Variants in CATSPERE observed in about 807,000 individuals in gnomAD.
CATSPERE encodes the protein cation channel sperm-associated auxiliary subunit epsilon.
CATSPERE carries 93 observed loss-of-function variants against 114.1 expected under a neutral mutation model. The ratio of observed to expected loss-of-function variants is 0.81; its 90% CI spans 0.69 to 0.97. The LOEUF (loss-of-function observed/expected upper bound fraction) is 0.97, where lower values mean the gene tolerates loss of function less well. Ranked by LOEUF, CATSPERE falls within the 50% of genes least tolerant of loss-of-function variation. CATSPERE has a pLI of 0.00. For synonymous variants in CATSPERE, 341 were observed against 384.1 expected (o/e 0.89, Z 1.31); for missense variants, 1,058 against 1,131.6 (o/e 0.93, Z 0.93).
chr1:244,477,551 A>G lies in CATSPERE; in HGVS notation c.125A>G (p.Glu42Gly), dbSNP rs759589387. The change falls in exon 3 of 22, where the codon GAG becomes GGG. Residue 42 changes from glutamate (E) to glycine (G), a missense_variant. Glu to Gly is a moderately conservative substitution (Grantham distance 98, BLOSUM62 -2). This residue lies in a region of CATSPERE where 271 missense variants were observed against 225.9 expected (regional missense o/e 1.20). Transcript: ENST00000366534. ...TGTTTTCTTTTTTAGATTAAGTTAG[A>G]GTATGAAGGAACATTATTTACTGAG... ...IFSTRSTIKL[E>G]YEGTLFTEWS... 1 of 1,583,316 alleles carries G rather than the reference A, an allele frequency of 6.3e-7. No individual in the cohort carries two copies. The highest frequency in any genetic ancestry group is 1.1e-5 in the South Asian group (1 of 88,598).
At chr1:244,457,294 G>A (rs1181923836), upstream of CATSPERE, among the ~76,000 whole-genome samples, 2 of 152,176 alleles carry the variant, frequency 1.3e-5, no homozygotes, top group Non-Finnish European at 2.9e-5. Flanking sequence ...ATGGAAAATT[G>A]TAAAGGGTTC....
intron 2 of CATSPERE, among the ~76,000 whole-genome samples, chr1:244,471,328 A>T (rs1462706070): frequency 1.3e-5 from 2 of 152,228 alleles, no homozygotes; most frequent in Admixed American, 6.5e-5. Context: ...AGATCCAGAT[A>T]AGGTTTATAC....
rs528688710 is a variant in CATSPERE, at chr1:244,577,854, C to T, written c.1951-3942C>T. On this transcript the variant is annotated intron_variant, in intron 11 of 21. Transcript: ENST00000366534. Reference sequence around the variant, plus strand: ...AAATAACAAACAAAAAGGCATTATACGTATTTCAAGGATACAAAGATACCA... The same window carrying T: ...AAATAACAAACAAAAAGGCATTATATGTATTTCAAGGATACAAAGATACCA... Among the ~76,000 whole-genome samples, 208 of 152,118 alleles carry T rather than the reference C, an allele frequency of 1.4e-3. 1 individual carries two copies. Among genetic ancestry groups the T allele is most frequent in the African/African-American group, 4.5e-3 (185 of 41,504 alleles).
In CATSPERE at chr1:244,581,843, C is replaced by CGA; in HGVS notation, c.1998_1999insGA (p.Phe667AspfsTer27). On this transcript the variant is annotated frameshift_variant, in exon 12 of 22. Coordinates refer to ENST00000366534, the MANE Select transcript of CATSPERE (RefSeq NM_001130957.2). LOFTEE classifies it high-confidence loss of function. The stretch of plus-strand genomic sequence containing the variant: ...TAGATTATGAGAGAATATCTGATTA[C>CGA]TTTGAGACACAGTAAGTATAACTTT... The CGA allele has an allele frequency of 7.7e-7, 1 of 1,305,612 alleles. No individual in the cohort carries two copies. The highest frequency in any genetic ancestry group is 1.3e-5 in the South Asian group (1 of 78,588). The allele number at this position is 1,305,612 out of a possible 1,614,324, so 80.9% of individuals were successfully genotyped here. A position where few individuals can be genotyped will look rare whatever the true frequency, so the allele number is the denominator to read the frequency against.
At chr1:244,465,869 C>T (rs188371125) in intron 2 of CATSPERE, among the ~76,000 whole-genome samples, 71 of 152,112 alleles carry the variant, frequency 4.7e-4, no homozygotes, top group African/African-American at 1.7e-3. Flanking sequence ...ATGATGTAGC[C>T]CTCCAGAGTT....
intron 2 of CATSPERE, among the ~76,000 whole-genome samples, chr1:244,473,583 T>C (rs1668814979): frequency 6.6e-6 from 1 of 152,170 alleles, no homozygotes; most frequent in South Asian, 2.1e-4. Context: ...ACAGTGTCTT[T>C]TACAGAGCAG....
chr1:244,454,458 T>A (rs1230823429), exon 1 of CATSPERE: 1 of 152,120 alleles, frequency 6.6e-6, no homozygotes, highest in East Asian at 1.9e-4. Context: ...GAATCTCGTC[T>A]ATGTTTCCAT....
chr1:244,488,602 A>C (rs1671450290), intron 5 of CATSPERE, among the ~76,000 whole-genome samples: 1 of 152,232 alleles, frequency 6.6e-6, no homozygotes, highest in South Asian at 2.1e-4. Flanking sequence ...CTACAAGGTT[A>C]CTGTATTAAT....
Position 244,607,181 on chromosome 1 carries a change from CT to C in CATSPERE, c.2403+1390del, listed in dbSNP as rs1296647338. Among the ~76,000 whole-genome samples the C allele has an allele frequency of 1.3e-5, 2 of 152,188 alleles. No individual in the cohort carries two copies. Among genetic ancestry groups the C allele is most frequent in the African/African-American group, 2.4e-5 (1 of 41,434 alleles). The stretch of plus-strand genomic sequence containing the variant: ...ACAGTTCTATCGAACCAAGAGTACT[CT>C]TTCTCTCACCCCATATACTTAAGGG... On this transcript the variant is annotated intron_variant, in intron 18 of 21. Transcript: ENST00000366534. This position sits in a 1 kb window ranked among gnomAD's most constrained non-coding sequence, Gnocchi z 4.4.
intron 8 of CATSPERE, among the ~76,000 whole-genome samples, chr1:244,545,871 C>T (rs751385483): frequency 1.3e-5 from 2 of 152,174 alleles, no homozygotes; most frequent in African/African-American, 2.4e-5. Flanking sequence ...CCTACTACTG[C>T]TACACTGTCT....
chr1:244,524,939 C>T (rs2148391695), intron 8 of CATSPERE, among the ~76,000 whole-genome samples: 1 of 147,110 alleles, frequency 6.8e-6, no homozygotes, highest in Admixed American at 6.6e-5. Flanking sequence ...GGCGGTTCCT[C>T]AGGGATCTAG....
intron 15 of CATSPERE, 60 bp downstream of exon 15, chr1:244,591,791 A>G: frequency 9.8e-7 from 1 of 1,015,504 alleles, no homozygotes; most frequent in Non-Finnish European, 1.5e-6. Context: ...AATACTTTAC[A>G]ATCAGTACTT....
intron 7 of CATSPERE, 137 bp downstream of exon 7, chr1:244,499,216 T>C: frequency 1.9e-6 from 1 of 538,570 alleles, no homozygotes; most frequent in Non-Finnish European, 3.3e-6. Context: ...ATGATCCCTT[T>C]TAGTTTAGCC....
At chr1:244,456,376 G>A (rs1042183662), upstream of CATSPERE, among the ~76,000 whole-genome samples, 3 of 151,798 alleles carry the variant, frequency 2.0e-5, no homozygotes, top group African/African-American at 7.3e-5. Context: ...TAAGAAACTG[G>A]CAAACAAAAA....
intron 2 of CATSPERE, among the ~76,000 whole-genome samples, chr1:244,464,749 C>G (rs1667328987): frequency 1.3e-5 from 2 of 151,878 alleles, no homozygotes; most frequent in South Asian, 4.1e-4. Context: ...TCTTTGATGA[C>G]TAGTGATTTT....
Position 244,622,760 on chromosome 1 carries a change from A to G in CATSPERE, c.2648+5074A>G, listed in dbSNP as rs144051450. On this transcript the variant is annotated intron_variant, in intron 20 of 21. Transcript: ENST00000366534. ...CCCATATTCTGGCTGTGGGAGAAAC[A>G]CCTCCAAATCTTACTCACCGACAAG... is the stretch of plus-strand genomic sequence containing the variant. 8.4e-3 allele frequency among the ~76,000 whole-genome samples: 1,278 copies of G among 152,102 alleles called. 21 individuals carry two copies. The highest frequency in any genetic ancestry group is 0.03 in the African/African-American group (1,232 of 41,496).
intron 6 of CATSPERE, among the ~76,000 whole-genome samples, chr1:244,495,846 A>G (rs376778802): frequency 3.3e-5 from 5 of 152,334 alleles, no homozygotes; most frequent in Admixed American, 6.5e-5. Flanking sequence ...GGGGCTGTAA[A>G]CAGATAAGGG....
intron 11 of CATSPERE, among the ~76,000 whole-genome samples, 189 bp downstream of exon 11, chr1:244,572,961 G>C (rs780466018): frequency 2.0e-5 from 3 of 151,580 alleles, no homozygotes; most frequent in Non-Finnish European, 2.9e-5. Flanking sequence ...CCATATCCAA[G>C]CCCTCTTTGC....
At chr1:244,496,366 C>T (rs1299756415) in intron 6 of CATSPERE, among the ~76,000 whole-genome samples, 1 of 152,128 alleles carries the variant, frequency 6.6e-6, no homozygotes, top group Non-Finnish European at 1.5e-5. Flanking sequence ...ACGCTTAGGA[C>T]CACTAGCTAA....
Sources: gnomAD v4.1 joint callset for allele counts (sites outside exome capture counted in the v4.1 genomes callset) on GRCh38, gnomAD v4.1.1 for gene constraint, gnomAD v4.1.1 regional missense constraint, Gnocchi (gnomAD v3.1) non-coding constraint, MANE v1.5 for transcripts, NCBI Gene and HGNC (gene_info 2026-07-23, HGNC 2026-07-21) for gene names.